Variants in PANK4 observed in about 807,000 individuals in gnomAD.
PANK4 encodes the protein pantothenate kinase 4 (inactive).
Under a neutral mutation model 87.9 loss-of-function variants are expected in PANK4, and 40 were observed. That is an observed-to-expected ratio of 0.46 (90% CI 0.35 to 0.59). The LOEUF is 0.59. Ranked by LOEUF, PANK4 falls within the 20% of genes least tolerant of loss-of-function variation. The pLI is 0.00. For missense variants in PANK4, 926 were observed against 1,072.3 expected (o/e 0.86, Z 1.90); for synonymous variants, 524 against 467.4 (o/e 1.12, Z -1.56).
Position 2,515,851 on chromosome 1 carries a change from C to A in PANK4, c.1219-134G>T. 1 of 923,470 alleles carries A rather than the reference C, an allele frequency of 1.1e-6. No individual in the cohort carries two copies. Among genetic ancestry groups the A allele is most frequent in the Non-Finnish European group, 1.6e-6 (1 of 613,186 alleles). 57.2% of individuals were successfully genotyped at this position (923,470 alleles called of 1,614,324 possible). A position where few individuals can be genotyped will look rare whatever the true frequency, so the allele number is the denominator to read the frequency against. Reference sequence around the variant, plus strand: ...TTCCGCCACGTCTCTGGGCCACAGACGAGACCCCCACTGGGCCCCCTCAGC... The same window carrying A: ...TTCCGCCACGTCTCTGGGCCACAGAAGAGACCCCCACTGGGCCCCCTCAGC... On this transcript the variant is annotated intron_variant, in intron 9 of 18. Transcript: ENST00000378466. This position sits in a 1 kb window ranked among gnomAD's most constrained non-coding sequence, Gnocchi z 5.0.
rs1311173818 is a variant in PANK4 at position 2,511,396 on chromosome 1, G to C, written c.1784-9C>G. The C allele has an allele frequency of 1.2e-6, 2 of 1,604,800 alleles. No individual in the cohort carries two copies. Among genetic ancestry groups the C allele is most frequent in the African/African-American group, 2.7e-5 (2 of 74,758 alleles). ...CACGAGCCAGGGTCTTTCTGAGACA[G>C]AGAGAGGGACACATGATTAGCCCGG... On this transcript the variant is annotated splice_polypyrimidine_tract_variant and intron_variant, in intron 14 of 18. Transcript: ENST00000378466.
Position 2,514,400 on chromosome 1 carries a change from G to C in PANK4, c.1441C>G (p.Arg481Gly), listed in dbSNP as rs371467298. The stretch of plus-strand genomic sequence containing the variant: ...TGAAGCTTGTTCCAGTACTTCTGCC[G>C]GAACTTCTCCGCCCTCTCGGCTGCA... ...VDAAERAEKF[R>G]QKYWNKLQTL... The change falls in exon 11 of 19, where the codon CGG (arginine) becomes GGG (glycine). Residue 481 changes from arginine (R) to glycine (G), a missense_variant. Arg to Gly is a moderately radical substitution (Grantham distance 125). Transcript: ENST00000378466. 6.2e-7 allele frequency: 1 copy of C among 1,612,430 alleles called. No individual in the cohort carries two copies. The highest frequency in any genetic ancestry group is 1.7e-5 in the Admixed American group (1 of 60,002).
Position 2,522,214 on chromosome 1 carries a change from C to T in PANK4, c.125-414G>A, listed in dbSNP as rs182742845. On this transcript the variant is annotated intron_variant, in intron 1 of 18. Transcript: ENST00000378466. ...CAGGCTGTTTTCGTTTTAAGAAGTA[C>T]ACCCTCGACCGTCCCTGCTTACAAA... Among the ~76,000 whole-genome samples, 4 of 152,346 alleles carry T rather than the reference C, an allele frequency of 2.6e-5. No individual in the cohort carries two copies. The East Asian group carries it at 7.7e-4, about 29-fold the overall frequency.
rs565966921 is a variant in PANK4, at chr1:2,521,889, G to A, written c.125-89C>T. ...TGCCCCACACTCTCTGGGTGTCCTG[G>A]AGACTAAAGTCTCTGTAGATGAGGG... On this transcript the variant is annotated intron_variant, in intron 1 of 18. Transcript: ENST00000378466. The A allele has an allele frequency of 5.5e-5, 55 of 997,482 alleles. 2 individuals carry two copies. In the Middle Eastern group the frequency reaches 3.5e-3, roughly 64 times the overall value. 61.8% of individuals were successfully genotyped at this position (997,482 alleles called of 1,614,324 possible). A position where few individuals can be genotyped will look rare whatever the true frequency, so the allele number is the denominator to read the frequency against.
rs974213401 is a variant in PANK4 at position 2,519,689 on chromosome 1, C to T, written c.853+112G>A. The T allele has an allele frequency of 4.2e-5, 49 of 1,161,446 alleles. No individual in the cohort carries two copies. The highest frequency in any genetic ancestry group is 5.3e-5 in the Non-Finnish European group (45 of 845,978). 71.9% of individuals were successfully genotyped at this position (1,161,446 alleles called of 1,614,324 possible). ...GTTACAGGGCTGACACCCAAGACCC[C>T]GACTCTCCAGGGAGCAGTTGTGGGA... On this transcript the variant is annotated intron_variant, in intron 6 of 18. Transcript: ENST00000378466. This position sits in a 1 kb window ranked among gnomAD's most constrained non-coding sequence, Gnocchi z 8.3.
chr1:2,518,746 T>A, intron 7 of PANK4, 149 bp from the exon 8 acceptor site: 1 of 689,738 alleles, frequency 1.4e-6, no homozygotes, highest in Admixed American at 2.3e-5. Flanking sequence ...GCCAGTGGAA[T>A]CGCGCCTGGC....
chr1:2,513,952 A>G, intron 12 of PANK4, 50 bp downstream of exon 12: 2 of 1,335,348 alleles, frequency 1.5e-6, no homozygotes, highest in Non-Finnish European at 2.2e-6. Flanking sequence ...ACGCGGTGCC[A>G]GCGGGACGGG....
chr1:2,514,203 T>C, intron 11 of PANK4, 114 bp from the exon 12 acceptor site: 1 of 1,144,846 alleles, frequency 8.7e-7, no homozygotes, highest in South Asian at 1.2e-5. Context: ...AAACGCTGCT[T>C]GAGGCGGGGT....
Position 2,510,645 on chromosome 1 carries a change from G to T in PANK4, c.1938+33C>A. On this transcript the variant is annotated intron_variant, in intron 16 of 18. Transcript: ENST00000378466. This position sits in a 1 kb window ranked among gnomAD's most constrained non-coding sequence, Gnocchi z 4.9. Reference sequence around the variant, plus strand: ...CCCCACCGAGAGCAGAGAAGCCCAGGGGAAGGGCCCCACCCACCACCTCAA... The same window carrying T: ...CCCCACCGAGAGCAGAGAAGCCCAGTGGAAGGGCCCCACCCACCACCTCAA... 7.6e-7 allele frequency: 1 copy of T among 1,313,736 alleles called. No homozygotes were observed. Among genetic ancestry groups the T allele is most frequent in the Non-Finnish European group, 1.1e-6 (1 of 910,496 alleles). The allele number at this position is 1,313,736 out of a possible 1,614,324, so 81.4% of individuals were successfully genotyped here. A position where few individuals can be genotyped will look rare whatever the true frequency, so the allele number is the denominator to read the frequency against.
In PANK4 at chr1:2,509,793, G is replaced by GGT; in HGVS notation, c.2108+67_2108+68dup. Reference sequence around the variant, plus strand: ...GAGGTCGGTGTCCCGCATGCACCTGGGTGCAGGTGCACGGCACAGAGGGCA... The same window carrying GGT: ...GAGGTCGGTGTCCCGCATGCACCTGGGTGTGCAGGTGCACGGCACAGAGGGCA... On this transcript the variant is annotated intron_variant, in intron 18 of 18. Coordinates refer to ENST00000378466, the MANE Select transcript of PANK4 (RefSeq NM_018216.4). The surrounding 1 kb of genome is among the most constrained non-coding windows in gnomAD (Gnocchi z 4.9). 1 of 1,358,704 alleles carries GGT rather than the reference G, an allele frequency of 7.4e-7. No individual in the cohort carries two copies. The highest frequency in any genetic ancestry group is 1.0e-6 in the Non-Finnish European group (1 of 956,764). 84.2% of individuals were successfully genotyped at this position (1,358,704 alleles called of 1,614,324 possible). A position where few individuals can be genotyped will look rare whatever the true frequency, so the allele number is the denominator to read the frequency against.
At position 2,520,039 on chromosome 1, in the gene PANK4, GCA is replaced by G; in HGVS notation, c.700-87_700-86del. On this transcript the variant is annotated intron_variant, in intron 5 of 18. Coordinates refer to ENST00000378466, the MANE Select transcript of PANK4 (RefSeq NM_018216.4). This position sits in a 1 kb window ranked among gnomAD's most constrained non-coding sequence, Gnocchi z 6.2. ...CCAGAAACCAAGCCCATGGCAGGAG[GCA>G]CGCGCGGGCAGGGGGTAAATGGGCC... 7.6e-7 allele frequency: 1 copy of G among 1,309,814 alleles called. No homozygotes were observed. Among genetic ancestry groups the G allele is most frequent in the Non-Finnish European group, 1.0e-6 (1 of 966,580 alleles). The allele number at this position is 1,309,814 out of a possible 1,614,324, so 81.1% of individuals were successfully genotyped here. A position where few individuals can be genotyped will look rare whatever the true frequency, so the allele number is the denominator to read the frequency against.
Position 2,512,702 on chromosome 1 carries a change from G to A in PANK4, c.1727+186C>T, listed in dbSNP as rs113308976. ...AGAACCTGAGGGGACAGACAAGGGC[G>A]CTGCGCCCTGCCCAGCCCCTGGCGC... On this transcript the variant is annotated intron_variant, in intron 13 of 18. Coordinates refer to ENST00000378466, the MANE Select transcript of PANK4 (RefSeq NM_018216.4). The A allele has an allele frequency of 1.3e-4, 84 of 622,242 alleles. 1 individual carries two copies. Among genetic ancestry groups the A allele is most frequent in the African/African-American group, 1.2e-3 (63 of 54,044 alleles). 38.5% of individuals were successfully genotyped at this position (622,242 alleles called of 1,614,324 possible). A position where few individuals can be genotyped will look rare whatever the true frequency, so the allele number is the denominator to read the frequency against.
rs778632053 is a variant in PANK4, at chr1:2,510,577, C to T, written c.1938+101G>A. On this transcript the variant is annotated intron_variant, in intron 16 of 18. Transcript: ENST00000378466. This position sits in a 1 kb window ranked among gnomAD's most constrained non-coding sequence, Gnocchi z 4.9. ...GCTGCCTGCACCTACCTGCTGCGTC[C>T]GGAGGAGCCCCGACCACCGCCAGAG... is the stretch of plus-strand genomic sequence containing the variant. The T allele has an allele frequency of 1.4e-4, 102 of 739,450 alleles. No homozygotes were observed. The highest frequency in any genetic ancestry group is 4.7e-4 in the Admixed American group (22 of 46,870). 45.8% of individuals were successfully genotyped at this position (739,450 alleles called of 1,614,324 possible).
At chr1:2,512,552 G>C (rs1022502425) in intron 13 of PANK4, 1 of 335,758 alleles carries the variant, frequency 3.0e-6, no homozygotes, top group Non-Finnish European at 5.5e-6. Flanking sequence ...CATCAGAAAT[G>C]TTTAATTCCT....
Position 2,521,660 on chromosome 1 carries a change from G to C in PANK4, c.207+58C>G, listed in dbSNP as rs529581648. On this transcript the variant is annotated intron_variant, in intron 2 of 18. Transcript: ENST00000378466. ...AGGGATGACTGCGAGACAAGTGCCAGGTCCAAGACGACAGAGAAGCGGCTG... is the reference window on the plus strand; with the variant it reads ...AGGGATGACTGCGAGACAAGTGCCACGTCCAAGACGACAGAGAAGCGGCTG... 4.8e-5 allele frequency: 64 copies of C among 1,320,310 alleles called. 1 individual carries two copies. Among genetic ancestry groups the C allele is most frequent in the Non-Finnish European group, 6.9e-5 (63 of 912,226 alleles). 81.8% of individuals were successfully genotyped at this position (1,320,310 alleles called of 1,614,324 possible).
At chr1:2,512,700 G>A (rs530750811) in intron 13 of PANK4, 188 bp downstream of exon 13, 5 of 615,528 alleles carry the variant, frequency 8.1e-6, no homozygotes, top group East Asian at 2.8e-5. Flanking sequence ...ACAGACAAGG[G>A]CGCTGCGCCC....
At position 2,520,056 on chromosome 1, in the gene PANK4, GTAA is replaced by G; in HGVS notation, c.700-105_700-103del. 4.4e-6 allele frequency: 5 copies of G among 1,146,372 alleles called. No individual in the cohort carries two copies. Among genetic ancestry groups the G allele is most frequent in the Non-Finnish European group, 6.1e-6 (5 of 822,598 alleles). The allele number at this position is 1,146,372 out of a possible 1,614,324, so 71.0% of individuals were successfully genotyped here. A position where few individuals can be genotyped will look rare whatever the true frequency, so the allele number is the denominator to read the frequency against. On this transcript the variant is annotated intron_variant, in intron 5 of 18. Transcript: ENST00000378466. This position sits in a 1 kb window ranked among gnomAD's most constrained non-coding sequence, Gnocchi z 6.2. ...GGCAGGAGGCACGCGCGGGCAGGGG[GTAA>G]ATGGGCCCTCATCGCGTGGGACCAA...
chr1:2,520,198 C>G lies in PANK4; in HGVS notation c.699+124G>C. ...GAGTGAAGCCGCAGAGGCCAGAGAC[C>G]CACTGACGCGAGTCAGGAGGGAGGC... On this transcript the variant is annotated intron_variant, in intron 5 of 18. Coordinates refer to ENST00000378466, the MANE Select transcript of PANK4 (RefSeq NM_018216.4). The surrounding 1 kb of genome is among the most constrained non-coding windows in gnomAD (Gnocchi z 6.2). The G allele has an allele frequency of 1.1e-6, 1 of 911,068 alleles. No homozygotes were observed. The highest frequency in any genetic ancestry group is 1.7e-6 in the Non-Finnish European group (1 of 572,036). 56.4% of individuals were successfully genotyped at this position (911,068 alleles called of 1,614,324 possible). A position where few individuals can be genotyped will look rare whatever the true frequency, so the allele number is the denominator to read the frequency against.
intron 9 of PANK4, 56 bp downstream of exon 9, chr1:2,518,108 G>C: frequency 9.4e-7 from 1 of 1,066,076 alleles, no homozygotes; most frequent in Non-Finnish European, 1.4e-6. Flanking sequence ...CAGGCGAGGT[G>C]AGTGCGGCAT....
Sources: allele counts gnomAD v4.1 joint callset (sites outside exome capture counted in the v4.1 genomes callset), GRCh38; gene constraint gnomAD v4.1.1; non-coding constraint Gnocchi (gnomAD v3.1); transcripts MANE v1.5; gene names NCBI Gene and HGNC (gene_info 2026-07-23, HGNC 2026-07-21).